Variants in UGP2 observed in about 807,000 individuals in gnomAD.
UGP2 encodes the protein UDP-glucose pyrophosphorylase 2.
UGP2 carries 40 observed loss-of-function variants against 49.0 expected under a neutral mutation model. That is an observed-to-expected ratio of 0.82 (90% CI 0.63 to 1.06). UGP2 has a LOEUF of 1.06. UGP2 is among the 50% of genes least tolerant of loss of function. UGP2 has a pLI of 0.00. For synonymous variants in UGP2, 225 were observed against 213.0 expected (o/e 1.06, Z -0.49); for missense variants, 460 against 603.5 (o/e 0.76, Z 2.49).
At position 63,872,403 on chromosome 2, in the gene UGP2, A is replaced by G. The variant is rs1334411961; in HGVS notation, c.256-10063A>G. On this transcript the variant is annotated intron_variant, in intron 3 of 9. Coordinates refer to ENST00000337130, the MANE Select transcript of UGP2 (RefSeq NM_006759.4). The stretch of plus-strand genomic sequence containing the variant: ...TGTCTGAATCAGTGAAGTAGTAATA[A>G]TATCAGCCAACATTTGAATATTTAC... Among the ~76,000 whole-genome samples the G allele has an allele frequency of 2.6e-5, 4 of 152,220 alleles. No individual in the cohort carries two copies. The East Asian group carries it at 7.7e-4, about 29-fold the overall frequency.
chr2:63,878,792 C>G (rs2104342920), intron 3 of UGP2, among the ~76,000 whole-genome samples: 1 of 152,226 alleles, frequency 6.6e-6, no homozygotes. Flanking sequence ...TCTCAAACTC[C>G]TGGGCTTAAG....
intron 7 of UGP2, among the ~76,000 whole-genome samples, chr2:63,886,789 C>A (rs577959751): frequency 6.6e-6 from 1 of 152,142 alleles, no homozygotes. Context: ...AAGTAGAGAA[C>A]CTACTTCAGT....
chr2:63,867,967 A>G (rs1353632197), intron 3 of UGP2, among the ~76,000 whole-genome samples: 1 of 152,222 alleles, frequency 6.6e-6, no homozygotes, highest in Non-Finnish European at 1.5e-5. Flanking sequence ...AAACAACATT[A>G]TGAACATGCT....
In UGP2 at chr2:63,856,386, A is replaced by C; in HGVS notation, c.100A>C (p.Lys34Gln). 6.2e-7 allele frequency: 1 copy of C among 1,613,712 alleles called. No individual in the cohort carries two copies. The highest frequency in any genetic ancestry group is 1.7e-5 in the Admixed American group (1 of 60,026). ...GCAAGAGCTAGAATTATCTGTGAAG[A>C]AGGAACTAGAAAAAATACTCACCAC... is the stretch of plus-strand genomic sequence containing the variant. ...IRQELELSVKKELEKILTTAS... is the reference protein window; with the variant it reads ...IRQELELSVKQELEKILTTAS... Residue 34 changes from lysine (K) to glutamine (Q), a missense_variant, in exon 2 of 10, where the codon AAG becomes CAG. Coordinates refer to ENST00000337130, the MANE Select transcript of UGP2 (RefSeq NM_006759.4).
intron 1 of UGP2, chr2:63,855,518 C>CTTTT (rs1669334289): frequency 3.4e-5 from 6 of 175,172 alleles, no homozygotes; most frequent in African/African-American, 4.2e-5. Flanking sequence ...GTTTCTTTTT[C>CTTTT]TGTTTTTTTT....
At chr2:63,890,460 A>C (rs1014235742) in intron 9 of UGP2, among the ~76,000 whole-genome samples, 4 of 152,246 alleles carry the variant, frequency 2.6e-5, no homozygotes, top group Admixed American at 6.5e-5. Context: ...ATATTCATTT[A>C]CATTATTGTA....
chr2:63,860,355 C>G (rs531407211), intron 3 of UGP2, among the ~76,000 whole-genome samples: 3 of 152,154 alleles, frequency 2.0e-5, no homozygotes, highest in East Asian at 3.8e-4. Context: ...CCCACACATT[C>G]ATTTATGTAT....
chr2:63,854,173 A>C (rs1171999641), intron 1 of UGP2, among the ~76,000 whole-genome samples: 1 of 152,224 alleles, frequency 6.6e-6, no homozygotes, highest in Non-Finnish European at 1.5e-5. Flanking sequence ...TGGATAAGTC[A>C]TTCAACTATT....
At chr2:63,877,874 T>TC (rs1671017649) in intron 3 of UGP2, among the ~76,000 whole-genome samples, 1 of 150,920 alleles carries the variant, frequency 6.6e-6, no homozygotes, top group African/African-American at 2.4e-5. Context: ...GCGCCTGTAG[T>TC]CCCAGCTACT....
chr2:63,883,364 G>A (rs1013667538), intron 4 of UGP2: 1 of 151,986 alleles, frequency 6.6e-6, no homozygotes, highest in Admixed American at 6.6e-5. Context: ...TAGTTAGTAA[G>A]TGCAGAATTA....
chr2:63,889,897 C>G (rs1671967321), intron 8 of UGP2, 184 bp from the exon 9 acceptor site: 2 of 514,732 alleles, frequency 3.9e-6, no homozygotes, highest in Non-Finnish European at 6.8e-6. Flanking sequence ...GTTTGTAGCT[C>G]CTGGTCTTTC....
chr2:63,871,303 T>C (rs1237546661), intron 3 of UGP2, among the ~76,000 whole-genome samples: 1 of 152,178 alleles, frequency 6.6e-6, no homozygotes, highest in East Asian at 1.9e-4. Context: ...AAAGCCTTTT[T>C]TTTTTCCTCC....
intron 3 of UGP2, among the ~76,000 whole-genome samples, chr2:63,873,549 C>G (rs562560009): frequency 6.6e-6 from 1 of 152,084 alleles, no homozygotes; most frequent in East Asian, 1.9e-4. Context: ...TACCCGTTGG[C>G]TCATAAAGCC....
rs1671683018 is a variant in UGP2 at position 63,886,533 on chromosome 2, GCAAAGGTAAGC to G, written c.1070_1071+9del. On this transcript the variant is annotated splice_donor_variant and splice_donor_5th_base_variant and coding_sequence_variant and intron_variant, in exon 7 of 10. Coordinates refer to ENST00000337130, the MANE Select transcript of UGP2 (RefSeq NM_006759.4). LOFTEE classifies it high-confidence loss of function. ...CATTGACATGGAAATCATTGTGAAT[GCAAAGGTAAGC>G]CAAGGTTGTGGCCCATTGAGCTTCC... The G allele has an allele frequency of 6.2e-7, 1 of 1,613,902 alleles. No homozygotes were observed. Among genetic ancestry groups the G allele is most frequent in the African/African-American group, 1.3e-5 (1 of 74,932 alleles).
At chr2:63,855,800 C>G (rs1669375827) in intron 1 of UGP2, 2 of 289,758 alleles carry the variant, frequency 6.9e-6, no homozygotes, top group Middle Eastern at 1.3e-3. Flanking sequence ...CTCAGCCTCC[C>G]ACAGTGTTGG....
intron 3 of UGP2, among the ~76,000 whole-genome samples, chr2:63,861,512 TCAC>T (rs1216871901): frequency 6.7e-6 from 1 of 150,130 alleles, no homozygotes; most frequent in Non-Finnish European, 1.5e-5. Flanking sequence ...AACATAGACC[TCAC>T]CTCTACAAAT....
At chr2:63,886,841 G>A (rs1468854608) in intron 7 of UGP2, among the ~76,000 whole-genome samples, 1 of 152,140 alleles carries the variant, frequency 6.6e-6, no homozygotes, top group Non-Finnish European at 1.5e-5. Flanking sequence ...TTGGCCATCG[G>A]TACTTTGCAT....
chr2:63,847,745 G>C lies in UGP2; in HGVS notation c.19+5541G>C, dbSNP rs1418142558. Among the ~76,000 whole-genome samples the C allele has an allele frequency of 2.0e-5, 3 of 152,180 alleles. No homozygotes were observed. The East Asian group carries it at 5.8e-4, about 29-fold the overall frequency. ...TTCACAAGGTAATGTCATCAGTTAA[G>C]GCAAGGACCGGCCATTTACACTTCT... On this transcript the variant is annotated intron_variant, in intron 1 of 9. Transcript: ENST00000337130.
At chr2:63,885,150 C>T (rs1409429313) in intron 5 of UGP2, among the ~76,000 whole-genome samples, 1 of 151,840 alleles carries the variant, frequency 6.6e-6, no homozygotes, top group African/African-American at 2.4e-5. Flanking sequence ...TCTTGGAATG[C>T]TAACCTGGTG....
Sources: gnomAD v4.1 joint callset for allele counts (sites outside exome capture counted in the v4.1 genomes callset) on GRCh38, gnomAD v4.1.1 for gene constraint, MANE v1.5 for transcripts, NCBI Gene and HGNC (gene_info 2026-07-23, HGNC 2026-07-21) for gene names.